The following SLC9A4 variants were observed in gnomAD, a reference collection of about 807,000 sequenced individuals.
SLC9A4 encodes solute carrier family 9 member A4.
A neutral mutation model predicts 67.4 loss-of-function variants in SLC9A4; 63 were observed. The ratio of observed to expected loss-of-function variants is 0.93; its 90% confidence interval spans 0.76 to 1.15. The LOEUF is 1.15. Ranked by LOEUF, SLC9A4 falls within the 50% of genes most tolerant of loss-of-function variation. The pLI is 0.00. For synonymous variants in SLC9A4, 393 were observed against 367.2 expected (o/e 1.07, Z -0.80); for missense variants, 1,089 against 987.7 (o/e 1.10, Z -1.38).
intron 11 of SLC9A4, among the ~76,000 whole-genome samples, chr2:102,527,770 G>A (rs190675289): frequency 1.1e-4 from 16 of 152,240 alleles, no homozygotes; most frequent in Admixed American, 5.9e-4. Context: ...CTGTGATATC[G>A]TAGCATAAAA....
At chr2:102,525,273 C>T (rs1674639257) in intron 10 of SLC9A4, 118 bp downstream of exon 10, 1 of 1,468,974 alleles carries the variant, frequency 6.8e-7, no homozygotes, top group Admixed American at 2.1e-5. Context: ...CAAACAAAAC[C>T]CCACCTTGTT....
At chr2:102,494,436 G>T (rs1684764991) in intron 2 of SLC9A4, among the ~76,000 whole-genome samples, 1 of 149,118 alleles carries the variant, frequency 6.7e-6, no homozygotes, top group African/African-American at 2.6e-5. Flanking sequence ...AGGAGTGAAG[G>T]AAGGGAAAAT....
Position 102,510,254 on chromosome 2 carries a change from CAGATACAGATACAGATACAGATAT to C in SLC9A4, c.1488+1327_1488+1350del, listed in dbSNP as rs1185014718. Among the ~76,000 whole-genome samples the C allele has an allele frequency of 9.4e-3, 1,394 of 148,290 alleles. 21 individuals carry two copies. Among genetic ancestry groups the C allele is most frequent in the African/African-American group, 0.032 (1,286 of 40,140 alleles). ...ACGGATACAGATACAGATACAGATA[CAGATACAGATACAGATACAGATAT>C]AGATATAGATATAGATATAGATATA... is the stretch of plus-strand genomic sequence containing the variant. On this transcript the variant is annotated intron_variant, in intron 6 of 11. Coordinates refer to ENST00000295269, the MANE Select transcript of SLC9A4 (RefSeq NM_001011552.4).
intron 2 of SLC9A4, among the ~76,000 whole-genome samples, chr2:102,495,169 A>C (rs548941192): frequency 6.6e-6 from 1 of 152,176 alleles, no homozygotes; most frequent in East Asian, 1.9e-4. Flanking sequence ...AATATATTTA[A>C]AATATCTAGG....
At chr2:102,511,997 T>C (rs917485501) in intron 6 of SLC9A4, among the ~76,000 whole-genome samples, 2 of 152,342 alleles carry the variant, frequency 1.3e-5, no homozygotes, top group African/African-American at 2.4e-5. Flanking sequence ...GAAACTTATC[T>C]ACAGAGTCTT....
chr2:102,492,899 A>C (rs1684733403), intron 2 of SLC9A4, among the ~76,000 whole-genome samples: 2 of 152,208 alleles, frequency 1.3e-5, no homozygotes, highest in Admixed American at 1.3e-4. Flanking sequence ...TTCTTCTGCC[A>C]GGTACTGTAA....
At chr2:102,475,651 G>A (rs1684314951) in intron 1 of SLC9A4, among the ~76,000 whole-genome samples, 1 of 152,152 alleles carries the variant, frequency 6.6e-6, no homozygotes, top group Non-Finnish European at 1.5e-5. Context: ...GAAAAAAAGA[G>A]TAGGATATCA....
chr2:102,499,690 A>T (rs186430011), intron 2 of SLC9A4, among the ~76,000 whole-genome samples: 1 of 152,298 alleles, frequency 6.6e-6, no homozygotes, highest in Non-Finnish European at 1.5e-5. Flanking sequence ...CAGAAAATAC[A>T]CTAGAAACTT....
At chr2:102,484,726 C>G (rs1263323462) in intron 2 of SLC9A4, among the ~76,000 whole-genome samples, 2 of 152,282 alleles carry the variant, frequency 1.3e-5, no homozygotes, top group South Asian at 2.1e-4. Context: ...AGTGAGGCCA[C>G]CAAGCTTTCT....
At chr2:102,524,750 G>C (rs1477515674) in intron 9 of SLC9A4, among the ~76,000 whole-genome samples, 5 of 152,364 alleles carry the variant, frequency 3.3e-5, no homozygotes, top group Non-Finnish European at 7.3e-5. Context: ...GGCAGGCCAA[G>C]TCTGTGGGTA....
At chr2:102,516,975 G>T (rs1350820935) in intron 8 of SLC9A4, among the ~76,000 whole-genome samples, 2 of 152,030 alleles carry the variant, frequency 1.3e-5, no homozygotes, top group African/African-American at 4.8e-5. Context: ...TTTTTCAAAA[G>T]AGGCCTAAAG....
rs555220530 is a variant in SLC9A4, at chr2:102,488,365, C to T, written c.720+9063C>T. On this transcript the variant is annotated intron_variant, in intron 2 of 11. Coordinates refer to ENST00000295269, the MANE Select transcript of SLC9A4 (RefSeq NM_001011552.4). ...ATAAATGGATGACATCCAGCAGAAC[C>T]TGTTACACAGGCCTGGATGGGAGCA... Among the ~76,000 whole-genome samples, 10 of 152,288 alleles carry T rather than the reference C, an allele frequency of 6.6e-5. No homozygotes were observed. In the South Asian group the frequency reaches 2.1e-3, roughly 32 times the overall value.
chr2:102,489,666 C>T (rs893493142), intron 2 of SLC9A4, among the ~76,000 whole-genome samples: 6 of 152,292 alleles, frequency 3.9e-5, no homozygotes, highest in Middle Eastern at 3.4e-3. Flanking sequence ...GGCCTCTGTT[C>T]GCTGAACTTA....
At chr2:102,532,060 C>G (rs1674788011) in intron 11 of SLC9A4, among the ~76,000 whole-genome samples, 1 of 152,210 alleles carries the variant, frequency 6.6e-6, no homozygotes, top group African/African-American at 2.4e-5. Flanking sequence ...TAAAAAGACA[C>G]TACCTTACTT....
At chr2:102,503,733 A>C in intron 3 of SLC9A4, 26 bp downstream of exon 3, 1 of 1,608,424 alleles carries the variant, frequency 6.2e-7, no homozygotes, top group Non-Finnish European at 8.5e-7. Flanking sequence ...GGATCAAGTC[A>C]CATAGTAATA....
At chr2:102,524,819 C>T (rs1348230684) in intron 9 of SLC9A4, among the ~76,000 whole-genome samples, 1 of 152,172 alleles carries the variant, frequency 6.6e-6, no homozygotes, top group East Asian at 1.9e-4. Context: ...AGCCACAGCT[C>T]CGCCCTGAAA....
chr2:102,510,765 C>A (rs1036150576), intron 6 of SLC9A4, among the ~76,000 whole-genome samples: 44 of 152,318 alleles, frequency 2.9e-4, no homozygotes, highest in African/African-American at 9.1e-4. Flanking sequence ...AAGGGTATTA[C>A]TTCTTTTGCA....
chr2:102,485,217 A>G (rs1315229053), intron 2 of SLC9A4, among the ~76,000 whole-genome samples: 1 of 152,214 alleles, frequency 6.6e-6, no homozygotes, highest in Non-Finnish European at 1.5e-5. Context: ...TTTGTTATAA[A>G]GACACAGATT....
chr2:102,531,652 G>A (rs752787313), intron 11 of SLC9A4, among the ~76,000 whole-genome samples: 16 of 152,146 alleles, frequency 1.1e-4, no homozygotes, highest in Non-Finnish European at 1.6e-4. Context: ...TTACTCACCC[G>A]AAAGGGCCGC....
Sources: gnomAD v4.1 joint callset for allele counts (sites outside exome capture counted in the v4.1 genomes callset) on GRCh38, gnomAD v4.1.1 for gene constraint, MANE v1.5 for transcripts, NCBI Gene and HGNC (gene_info 2026-07-23, HGNC 2026-07-21) for gene names.